The following IDO1 variants were observed in gnomAD, a reference collection of about 807,000 sequenced individuals.
IDO1 encodes indoleamine 2,3-dioxygenase 1, also known as indolamine 2,3 dioxygenase.
A neutral mutation model predicts 38.8 loss-of-function variants in IDO1; 35 were observed. The observed-to-expected ratio is 0.90, with a 90% CI of 0.69 to 1.20. IDO1 has a LOEUF of 1.20. Ranked by LOEUF, IDO1 falls within the 50% of genes most tolerant of loss-of-function variation. The pLI, the probability that IDO1 is intolerant of heterozygous loss-of-function variation, is 0.00. For missense variants in IDO1, 509 were observed against 485.1 expected (o/e 1.05, Z -0.46); for synonymous variants, 171 against 170.0 (o/e 1.01, Z -0.05).
At chr8:39,921,810 G>A (rs1220229705) in intron 5 of IDO1, among the ~76,000 whole-genome samples, 1 of 152,134 alleles carries the variant, frequency 6.6e-6, no homozygotes, top group African/African-American at 2.4e-5. Context: ...CCTTTGTAAA[G>A]CATATAAACC....
intron 4 of IDO1, among the ~76,000 whole-genome samples, chr8:39,919,827 G>A (rs1807245749): frequency 1.3e-5 from 2 of 152,080 alleles, no homozygotes; most frequent in Admixed American, 6.6e-5. Flanking sequence ...GTGACAGAAT[G>A]AGACCCTGTC....
Position 39,925,239 on chromosome 8 carries a change from C to A in IDO1, c.724C>A (p.Gln242Lys). 1 of 1,595,174 alleles carries A rather than the reference C, an allele frequency of 6.3e-7. No homozygotes were observed. The highest frequency in any genetic ancestry group is 8.5e-7 in the Non-Finnish European group (1 of 1,172,574). Reference protein sequence around the residue: ...IYLSGWKGNPQLSDGLVYEGF... With the variant: ...IYLSGWKGNPKLSDGLVYEGF... ...CTCTGATAGCTGGAAAGGCAACCCC[C>A]AGCTATCAGACGGTCTGGTGTATGA... The change falls in exon 9 of 10, where the codon CAG (glutamine) becomes AAG (lysine). Residue 242 changes from glutamine to lysine, a missense_variant. Transcript: ENST00000518237.
At chr8:39,927,425 T>C (rs1453606727) in intron 9 of IDO1, among the ~76,000 whole-genome samples, 1 of 151,958 alleles carries the variant, frequency 6.6e-6, no homozygotes. Flanking sequence ...CCGGGCATGG[T>C]GGCGCATGCC....
chr8:39,926,064 G>A (rs1372402352), intron 9 of IDO1, among the ~76,000 whole-genome samples: 2 of 144,802 alleles, frequency 1.4e-5, no homozygotes, highest in African/African-American at 2.6e-5. Flanking sequence ...GCGGGTGCCT[G>A]TAGTCCCAGC....
rs773996192 is a variant in IDO1, at chr8:39,918,994, G to T, written c.422+61G>T. 3.9e-6 allele frequency: 4 copies of T among 1,026,844 alleles called. No homozygotes were observed. The South Asian group carries it at 5.0e-5, about 13-fold the overall frequency. 63.6% of individuals were successfully genotyped at this position (1,026,844 alleles called of 1,614,324 possible). On this transcript the variant is annotated intron_variant, in intron 4 of 9. Coordinates refer to ENST00000518237, the MANE Select transcript of IDO1 (RefSeq NM_002164.6). The stretch of plus-strand genomic sequence containing the variant: ...GTGTGTGCCGATTAAATAAAACAGG[G>T]GTTGTTCATTGGCTTAATTTTGGGC...
At chr8:39,924,121 C>A (rs1439783103) in intron 7 of IDO1, among the ~76,000 whole-genome samples, 1 of 152,116 alleles carries the variant, frequency 6.6e-6, no homozygotes, top group Non-Finnish European at 1.5e-5. Flanking sequence ...CCCTACTGAA[C>A]AGACTCAACA....
In IDO1 at chr8:39,917,857, TC is replaced by T; in HGVS notation, c.88-17del. 1 of 1,475,996 alleles carries T rather than the reference TC, an allele frequency of 6.8e-7. No homozygotes were observed. Among genetic ancestry groups the T allele is most frequent in the Non-Finnish European group, 9.4e-7 (1 of 1,062,440 alleles). 91.4% of individuals were successfully genotyped at this position (1,475,996 alleles called of 1,614,324 possible). Reference sequence around the variant, plus strand: ...AATAACTGCTACTACTAAATAAAGATCTTTTTTTTTTTTCAAGGAAAATCTA... The same window carrying T: ...AATAACTGCTACTACTAAATAAAGATTTTTTTTTTTTTCAAGGAAAATCTA... On this transcript the variant is annotated splice_polypyrimidine_tract_variant and intron_variant, in intron 1 of 9. Coordinates refer to ENST00000518237, the MANE Select transcript of IDO1 (RefSeq NM_002164.6).
chr8:39,928,033 A>G lies in IDO1; in HGVS notation c.1060A>G (p.Ile354Val), dbSNP rs1367060612. 4 of 1,608,320 alleles carry G rather than the reference A, an allele frequency of 2.5e-6. No homozygotes were observed. The highest frequency in any genetic ancestry group is 1.3e-5 in the African/African-American group (1 of 74,864). The stretch of plus-strand genomic sequence containing the variant: ...CCATCTGCAAATCGTGACTAAGTAC[A>G]TCCTGATTCCTGCAAGCCAGCAGCC... Reference protein sequence around the residue: ...SYHLQIVTKYILIPASQQPKE... With the variant: ...SYHLQIVTKYVLIPASQQPKE... The change falls in exon 10 of 10, where the codon ATC becomes GTC. Residue 354 changes from isoleucine (I) to valine (V), a missense_variant. Physicochemically the swap from Ile to Val is conservative, Grantham distance 29 (BLOSUM62 3). Transcript: ENST00000518237.
rs778446814 is a variant in IDO1 at position 39,922,555 on chromosome 8, C to T, written c.441C>T (p.Asn147=). 11 of 1,607,318 alleles carry T rather than the reference C, an allele frequency of 6.8e-6. No individual in the cohort carries two copies. In the Admixed American group the frequency reaches 8.3e-5, roughly 12 times the overall value. The change falls in exon 6 of 10, where the codon AAC becomes AAT. Residue 147 remains asparagine (N), a synonymous_variant. Transcript: ENST00000518237. ...CTTCCTTATCCAATTTCCTCAGGAA[C>T]ATGGACGTTTTGTTCTCATTTCGTG... is the stretch of plus-strand genomic sequence containing the variant. ...KDPNKPLTYE[N]MDVLFSFRDG... is the part of the protein sequence containing the mutation.
chr8:39,923,423 A>G (rs891616484), intron 6 of IDO1, 46 bp from the exon 7 acceptor site: 1 of 1,165,648 alleles, frequency 8.6e-7, no homozygotes, highest in Non-Finnish European at 1.2e-6. Context: ...AAAAAAAAAG[A>G]AAGAAAGAAA....
At chr8:39,925,838 C>T (rs573005248) in intron 9 of IDO1, among the ~76,000 whole-genome samples, 7 of 148,492 alleles carry the variant, frequency 4.7e-5, no homozygotes, top group African/African-American at 1.7e-4. Flanking sequence ...GAGCCAAGAT[C>T]GTGCTACTGT....
chr8:39,919,007 C>A, intron 4 of IDO1, 74 bp downstream of exon 4: 1 of 936,026 alleles, frequency 1.1e-6, no homozygotes, highest in Non-Finnish European at 1.8e-6. Flanking sequence ...TGTTCATTGG[C>A]TTAATTTTGG....
chr8:39,925,425 T>C, intron 9 of IDO1, 54 bp downstream of exon 9: 1 of 1,510,652 alleles, frequency 6.6e-7, no homozygotes, highest in Admixed American at 2.0e-5. Context: ...CAATAGTATT[T>C]GGATATCTAC....
chr8:39,919,673 AGTT>A (rs1708641714), intron 4 of IDO1, among the ~76,000 whole-genome samples: 1 of 152,114 alleles, frequency 6.6e-6, no homozygotes, highest in Admixed American at 6.6e-5. Flanking sequence ...ATTAAAAATT[AGTT>A]TTTTTAAAAA....
In IDO1 at chr8:39,928,103, A is replaced by C. The variant is rs1807395678; in HGVS notation, c.1130A>C (p.Lys377Thr). ...GAAGACCCTTCAAAACTGGAAGCCAAAGGAACTGGAGGCACTGATTTAATG... is the reference window on the plus strand; with the variant it reads ...GAAGACCCTTCAAAACTGGAAGCCACAGGAACTGGAGGCACTGATTTAATG... ...TSEDPSKLEA[K>T]GTGGTDLMNF... The change falls in exon 10 of 10, where the codon AAA (lysine) becomes ACA (threonine). Residue 377 changes from lysine (K) to threonine (T), a missense_variant. Lys to Thr is a moderately conservative substitution (Grantham distance 78). Coordinates refer to ENST00000518237, the MANE Select transcript of IDO1 (RefSeq NM_002164.6). The C allele has an allele frequency of 5.0e-6, 8 of 1,613,624 alleles. No individual in the cohort carries two copies. The highest frequency in any genetic ancestry group is 6.8e-6 in the Non-Finnish European group (8 of 1,179,744).
At chr8:39,918,063 A>G in intron 2 of IDO1, 25 bp from the exon 3 acceptor site, 1 of 1,613,600 alleles carries the variant, frequency 6.2e-7, no homozygotes, top group Non-Finnish European at 8.5e-7. Flanking sequence ...GATTGATTTG[A>G]GTCAATTGCT....
At chr8:39,917,652 G>A (rs1290860232) in intron 1 of IDO1, among the ~76,000 whole-genome samples, 2 of 152,244 alleles carry the variant, frequency 1.3e-5, no homozygotes, top group African/African-American at 4.8e-5. Context: ...TTGAAAAGCT[G>A]CAAATGGCAG....
chr8:39,917,837 C>T, intron 1 of IDO1, 38 bp from the exon 2 acceptor site: 2 of 1,379,328 alleles, frequency 1.4e-6, no homozygotes, highest in Non-Finnish European at 2.0e-6. Flanking sequence ...TCTACAATAA[C>T]TGCTACTACT....
At position 39,923,588 on chromosome 8, in the gene IDO1, C is replaced by CT; in HGVS notation, c.655+2_655+3insT. On this transcript the variant is annotated splice_region_variant and intron_variant, in intron 7 of 9. Coordinates refer to ENST00000518237, the MANE Select transcript of IDO1 (RefSeq NM_002164.6). Reference sequence around the variant, plus strand: ...TTCAAGTGTTTCACCAAATCCACGGCAAGTGTTGTGTGCAGTGCAATAGTC... The same window carrying CT: ...TTCAAGTGTTTCACCAAATCCACGGCTAAGTGTTGTGTGCAGTGCAATAGTC... 1 of 1,570,152 alleles carries CT rather than the reference C, an allele frequency of 6.4e-7. No individual in the cohort carries two copies. Among genetic ancestry groups the CT allele is most frequent in the African/African-American group, 1.3e-5 (1 of 74,098 alleles).
Sources: allele counts gnomAD v4.1 joint callset (sites outside exome capture counted in the v4.1 genomes callset), GRCh38; gene constraint gnomAD v4.1.1; transcripts MANE v1.5; gene names NCBI Gene and HGNC (gene_info 2026-07-23, HGNC 2026-07-21).